The following NEK5 variants were observed in gnomAD, a reference collection of about 807,000 sequenced individuals.
NEK5 encodes serine/threonine-protein kinase Nek5.
NEK5 carries 88 observed loss-of-function variants against 109.2 expected under a neutral mutation model. That is an observed-to-expected ratio of 0.81 (90% CI 0.68 to 0.96). The LOEUF is 0.96. Among genes scored for constraint, NEK5 ranks in the 40% least tolerant of loss-of-function variants. The pLI, the probability that NEK5 is intolerant of heterozygous loss-of-function variation, is 0.00. For synonymous variants in NEK5, 283 were observed against 299.9 expected (o/e 0.94, Z 0.58); for missense variants, 834 against 920.7 (o/e 0.91, Z 1.22).
intron 16 of NEK5, among the ~76,000 whole-genome samples, chr13:52,083,843 G>A (rs756828369): frequency 7.9e-5 from 12 of 152,072 alleles, no homozygotes; most frequent in Non-Finnish European, 1.8e-4. Context: ...ACCAATGTCT[G>A]CTATCCATTT....
chr13:52,083,394 G>A (rs1407297654), intron 16 of NEK5, 42 bp from the exon 17 acceptor site: 1 of 1,291,876 alleles, frequency 7.7e-7, no homozygotes, highest in South Asian at 1.2e-5. Context: ...TTGGTTCTGA[G>A]TGAGCTCTGA....
At chr13:52,053,078 A>G (rs1326834079) in intron 22 of NEK5, among the ~76,000 whole-genome samples, 1 of 152,164 alleles carries the variant, frequency 6.6e-6, no homozygotes, top group Non-Finnish European at 1.5e-5. Context: ...AGGCAGGTGG[A>G]TCACTTGAGG....
intron 23 of NEK5, among the ~76,000 whole-genome samples, chr13:52,046,292 C>T (rs940562797): frequency 6.8e-6 from 1 of 147,638 alleles, no homozygotes; most frequent in African/African-American, 2.5e-5. Context: ...GCCTGGGCAA[C>T]ACGGCAAGAC....
At chr13:52,065,308 T>A in intron 21 of NEK5, 176 bp downstream of exon 21, 1 of 885,834 alleles carries the variant, frequency 1.1e-6, no homozygotes, top group South Asian at 1.4e-5. Context: ...TCCAGGATAA[T>A]TAGCAGGCAA....
chr13:52,107,028 A>G (rs765622869), intron 8 of NEK5, among the ~76,000 whole-genome samples: 19 of 152,160 alleles, frequency 1.2e-4, no homozygotes, highest in Non-Finnish European at 2.6e-4. Context: ...TCTTTCTTGC[A>G]ATAGACTAAA....
chr13:52,060,591 C>A (rs1006501778), intron 22 of NEK5, among the ~76,000 whole-genome samples: 7 of 152,212 alleles, frequency 4.6e-5, no homozygotes, highest in African/African-American at 1.7e-4. Flanking sequence ...GGTGATCCAC[C>A]TGCCTCGGCC....
At chr13:52,087,792 A>T (rs1259787850) in intron 14 of NEK5, among the ~76,000 whole-genome samples, 1 of 151,554 alleles carries the variant, frequency 6.6e-6, no homozygotes, top group African/African-American at 2.4e-5. Flanking sequence ...CACCCGGCTA[A>T]TTTTTTGTAT....
At chr13:52,091,914 A>G (rs1050798613) in intron 13 of NEK5, among the ~76,000 whole-genome samples, 1 of 152,236 alleles carries the variant, frequency 6.6e-6, no homozygotes, top group Admixed American at 6.5e-5. Context: ...CGAATGAAAT[A>G]TATCTTATTT....
chr13:52,089,580 G>A (rs536911421), intron 13 of NEK5, among the ~76,000 whole-genome samples: 1 of 152,260 alleles, frequency 6.6e-6, no homozygotes, highest in Admixed American at 6.5e-5. Context: ...TTTTCTTCAG[G>A]ACAAGATTCA....
chr13:52,051,014 G>A (rs568225688), intron 22 of NEK5, among the ~76,000 whole-genome samples: 5 of 150,764 alleles, frequency 3.3e-5, no homozygotes, highest in South Asian at 2.1e-4. Context: ...CACCGTGCCC[G>A]GCCCTAGTGT....
At chr13:52,078,433 A>C (rs1336105844) in intron 17 of NEK5, among the ~76,000 whole-genome samples, 1 of 152,178 alleles carries the variant, frequency 6.6e-6, no homozygotes, top group Non-Finnish European at 1.5e-5. Context: ...AATAAGAGAG[A>C]GGAGTTTACA....
intron 23 of NEK5, among the ~76,000 whole-genome samples, chr13:52,043,446 G>T (rs566374005): frequency 6.7e-6 from 1 of 148,678 alleles, no homozygotes; most frequent in Non-Finnish European, 1.5e-5. Flanking sequence ...CTGAGGCAGA[G>T]AATTGGCTTG....
intron 22 of NEK5, among the ~76,000 whole-genome samples, chr13:52,057,598 C>A (rs1472099159): frequency 6.6e-6 from 1 of 152,154 alleles, no homozygotes; most frequent in Non-Finnish European, 1.5e-5. Flanking sequence ...AGCTTATCCA[C>A]CATGATCAAG....
intron 23 of NEK5, among the ~76,000 whole-genome samples, chr13:52,041,908 C>G (rs1954418122): frequency 6.6e-6 from 1 of 151,578 alleles, no homozygotes; most frequent in Non-Finnish European, 1.5e-5. Flanking sequence ...TTTTCCAGAA[C>G]TAAAGAAAGT....
rs144175762 is a variant in NEK5, at chr13:52,069,893, G to A, written c.1849+2051C>T. On this transcript the variant is annotated intron_variant, in intron 20 of 23. Transcript: ENST00000684899. ...ACCTCCCTGACTCTCCACCCAGCTC[G>A]CACTTCAAACAGTGATTAACATTTC... Among the ~76,000 whole-genome samples the A allele has an allele frequency of 3.2e-3, 493 of 152,220 alleles. 3 individuals are homozygous for A. The highest frequency in any genetic ancestry group is 0.011 in the African/African-American group (444 of 41,552).
At chr13:52,072,328 A>T (rs1954797689) in intron 19 of NEK5, among the ~76,000 whole-genome samples, 1 of 152,222 alleles carries the variant, frequency 6.6e-6, no homozygotes, top group African/African-American at 2.4e-5. Context: ...AGACTTTCTG[A>T]CTTCAATAGT....
chr13:52,089,267 A>G lies in NEK5; in HGVS notation c.1255T>C (p.Leu419=), dbSNP rs147636824. 67 of 1,604,634 alleles carry G rather than the reference A, an allele frequency of 4.2e-5. No individual in the cohort carries two copies. In the African/African-American group the frequency reaches 8.8e-4, roughly 21 times the overall value. The part of the protein sequence containing the change: ...QRKFEAQQYK[L]KVEKQLGLRP... ...CTTACCAATTGCTTCTCCACTTTCA[A>G]CTTATATTGTTGAGCTTCAAATTTT... The change falls in exon 14 of 24, where the codon TTG becomes CTG. Residue 419 remains leucine, a synonymous_variant. Transcript: ENST00000684899.
chr13:52,061,244 A>G (rs1449722796), intron 22 of NEK5, among the ~76,000 whole-genome samples: 1 of 152,130 alleles, frequency 6.6e-6, no homozygotes, highest in Non-Finnish European at 1.5e-5. Flanking sequence ...TGCTCCCATG[A>G]GAACTGAATG....
At chr13:52,050,341 C>T (rs909951805) in intron 22 of NEK5, 120 bp from the exon 23 acceptor site, 2 of 165,124 alleles carry the variant, frequency 1.2e-5, no homozygotes, top group East Asian at 3.8e-4. Context: ...CCATTTCCAT[C>T]AAAACAGAGA....
Sources: allele counts gnomAD v4.1 joint callset (sites outside exome capture counted in the v4.1 genomes callset), GRCh38; gene constraint gnomAD v4.1.1; transcripts MANE v1.5; gene names NCBI Gene and HGNC (gene_info 2026-07-23, HGNC 2026-07-21).